IGSF11: variants seen among roughly 807,000 people sequenced by gnomAD.
The protein encoded by IGSF11 is immunoglobulin superfamily member 11, also known as CXADR like 1.
A neutral mutation model predicts 41.0 loss-of-function variants in IGSF11; 22 were observed. The observed-to-expected ratio is 0.54, with a 90% confidence interval of 0.38 to 0.77. IGSF11 has a LOEUF of 0.77. Ranked by LOEUF, IGSF11 falls within the 30% of genes least tolerant of loss-of-function variation. IGSF11 has a pLI of 0.00. For synonymous variants in IGSF11, 219 were observed against 201.3 expected, an observed-to-expected ratio of 1.09 and a Z score of -0.74; for missense variants, 444 against 530.8, an observed-to-expected ratio of 0.84 and a Z score of 1.61.
chr3:119,066,960 A>G (rs1420198610), intron 1 of IGSF11, among the ~76,000 whole-genome samples: 4 of 152,046 alleles, frequency 2.6e-5, no homozygotes, highest in Non-Finnish European at 5.9e-5. Flanking sequence ...ATTTTCCATT[A>G]TTTTCCAAAT....
chr3:118,919,407 T>A, intron 4 of IGSF11, among the ~76,000 whole-genome samples: 1 of 92,574 alleles, frequency 1.1e-5, no homozygotes, highest in Non-Finnish European at 2.1e-5. Context: ...TCAAACAAAT[T>A]TACAAGAAAA....
At chr3:119,009,195 ATCTTAGAG>A (rs1937792675) in intron 1 of IGSF11, among the ~76,000 whole-genome samples, 1 of 152,110 alleles carries the variant, frequency 6.6e-6, no homozygotes, top group Non-Finnish European at 1.5e-5. Context: ...CCAACTAATA[ATCTTAGAG>A]TAAAACATTT....
At chr3:118,939,767 A>C (rs1943544562) in intron 1 of IGSF11, among the ~76,000 whole-genome samples, 1 of 152,228 alleles carries the variant, frequency 6.6e-6, no homozygotes, top group African/African-American at 2.4e-5. Context: ...AGAAAGGTTT[A>C]TAATCAATGA....
At chr3:119,030,717 G>A (rs1020132752) in intron 1 of IGSF11, among the ~76,000 whole-genome samples, 1 of 152,192 alleles carries the variant, frequency 6.6e-6, no homozygotes, top group African/African-American at 2.4e-5. Context: ...GTATGGTCAA[G>A]AGAAGATTTC....
intron 4 of IGSF11, among the ~76,000 whole-genome samples, chr3:118,912,142 T>C (rs953701679): frequency 1.3e-5 from 2 of 152,250 alleles, no homozygotes; most frequent in African/African-American, 4.8e-5. Context: ...ATTGCCATTA[T>C]TTGCATATAA....
chr3:119,064,511 C>CTTTT (rs779910295), intron 1 of IGSF11, among the ~76,000 whole-genome samples: 9 of 101,376 alleles, frequency 8.9e-5, no homozygotes, highest in East Asian at 3.2e-4. Flanking sequence ...CTTGGCTGCT[C>CTTTT]TTTTTTTTTT....
intron 1 of IGSF11, among the ~76,000 whole-genome samples, chr3:118,950,704 T>G (rs1001114100): frequency 6.6e-6 from 1 of 152,024 alleles, no homozygotes; most frequent in Non-Finnish European, 1.5e-5. Flanking sequence ...TAGGCAAAAC[T>G]AAAAGTATGG....
intron 1 of IGSF11, among the ~76,000 whole-genome samples, chr3:119,136,999 A>G (rs918701581): frequency 4.6e-5 from 7 of 152,200 alleles, no homozygotes; most frequent in African/African-American, 1.4e-4. Context: ...AAATAAAATT[A>G]TGTGCCTAGG....
At chr3:119,073,141 G>T (rs1164014752) in intron 1 of IGSF11, among the ~76,000 whole-genome samples, 2 of 152,090 alleles carry the variant, frequency 1.3e-5, no homozygotes, top group Non-Finnish European at 2.9e-5. Context: ...AGTGCTGATT[G>T]GTGTATTTAC....
At chr3:118,974,074 G>A (rs911544691) in intron 1 of IGSF11, among the ~76,000 whole-genome samples, 4 of 151,520 alleles carry the variant, frequency 2.6e-5, no homozygotes, top group African/African-American at 9.7e-5. Context: ...TAACAAACCT[G>A]CACATCCTGC....
At chr3:119,135,597 G>A (rs190155419) in intron 1 of IGSF11, among the ~76,000 whole-genome samples, 5 of 152,226 alleles carry the variant, frequency 3.3e-5, no homozygotes, top group African/African-American at 7.2e-5. Flanking sequence ...AAATAGGAAC[G>A]TTTTTATACT....
intron 1 of IGSF11, among the ~76,000 whole-genome samples, chr3:119,141,539 A>G (rs1032066804): frequency 1.3e-5 from 2 of 150,980 alleles, no homozygotes; most frequent in Non-Finnish European, 3.0e-5. Flanking sequence ...GGTTGACCAC[A>G]TTAAAAAAAG....
chr3:119,009,984 A>G (rs1337531444), intron 1 of IGSF11, among the ~76,000 whole-genome samples: 1 of 152,222 alleles, frequency 6.6e-6, no homozygotes, highest in Non-Finnish European at 1.5e-5. Flanking sequence ...GATATTTTGA[A>G]TATGAATTTA....
intron 1 of IGSF11, among the ~76,000 whole-genome samples, chr3:119,077,008 T>C (rs1329613746): frequency 6.6e-6 from 1 of 152,114 alleles, no homozygotes; most frequent in Non-Finnish European, 1.5e-5. Context: ...AGCAAAGACT[T>C]GGAACCAACC....
intron 1 of IGSF11, among the ~76,000 whole-genome samples, chr3:119,099,279 A>C (rs1475811524): frequency 1.3e-5 from 2 of 152,196 alleles, no homozygotes; most frequent in African/African-American, 4.8e-5. Context: ...TTTTCTGAGC[A>C]CTGAGAATGG....
chr3:119,036,202 C>G (rs1261354298), upstream of IGSF11, among the ~76,000 whole-genome samples: 3 of 152,186 alleles, frequency 2.0e-5, no homozygotes, highest in Non-Finnish European at 4.4e-5. Context: ...TTGCTCACTA[C>G]TTCCAACTTG....
At chr3:119,048,310 G>C (rs1399050817) in intron 1 of IGSF11, among the ~76,000 whole-genome samples, 1 of 151,840 alleles carries the variant, frequency 6.6e-6, no homozygotes, top group African/African-American at 2.4e-5. Context: ...AAATGATAAA[G>C]GGGATATCAC....
At chr3:119,018,439 C>T (rs1938965401) in intron 1 of IGSF11, among the ~76,000 whole-genome samples, 1 of 152,202 alleles carries the variant, frequency 6.6e-6, no homozygotes, top group Non-Finnish European at 1.5e-5. Flanking sequence ...GACAAAATCA[C>T]CACAAAGGTA....
At chr3:119,138,173 A>AAG (rs2077588523) in intron 1 of IGSF11, among the ~76,000 whole-genome samples, 1 of 151,738 alleles carries the variant, frequency 6.6e-6, no homozygotes, top group Non-Finnish European at 1.5e-5. Context: ...AAAAAAAAAA[A>AAG]AACTAAAAAT....
Sources: gnomAD v4.1 joint callset for allele counts (sites outside exome capture counted in the v4.1 genomes callset) on GRCh38, gnomAD v4.1.1 for gene constraint, MANE v1.5 for transcripts, NCBI Gene and HGNC (gene_info 2026-07-23, HGNC 2026-07-21) for gene names.